Variants in LRRC4C observed in about 807,000 individuals in gnomAD.
LRRC4C encodes the protein leucine rich repeat containing 4C, also known as leucine-rich repeat-containing protein 4C.
Under a neutral mutation model 33.6 loss-of-function variants are expected in LRRC4C, and 5 were observed. The ratio of observed to expected loss-of-function variants is 0.15; its 90% CI spans 0.08 to 0.31. The LOEUF is 0.31. Among genes scored for constraint, LRRC4C ranks in the 10% least tolerant of loss-of-function variants. The probability of loss-of-function intolerance (pLI) is 1.00; values close to 1 mark genes in which losing one functional copy is unlikely to be tolerated. For missense variants in LRRC4C, 560 were observed against 796.7 expected, an observed-to-expected ratio of 0.70 and a Z score of 3.58; for synonymous variants, 329 against 302.0, an observed-to-expected ratio of 1.09 and a Z score of -0.93.
intron 2 of LRRC4C, among the ~76,000 whole-genome samples, chr11:40,932,026 A>G (rs1205481076): frequency 6.6e-6 from 1 of 152,156 alleles, no homozygotes; most frequent in Non-Finnish European, 1.5e-5. Context: ...CCTGACCTCA[A>G]GGGGCTGAGA....
chr11:41,141,763 T>G (rs567712217), intron 1 of LRRC4C, among the ~76,000 whole-genome samples: 1 of 152,258 alleles, frequency 6.6e-6, no homozygotes, highest in African/African-American at 2.4e-5. Flanking sequence ...CCTGAGGAAA[T>G]GTGAGTCAAT....
At chr11:41,279,428 A>ACCC (rs1555134481) in intron 1 of LRRC4C, among the ~76,000 whole-genome samples, 26 of 140,788 alleles carry the variant, frequency 1.8e-4, no homozygotes, top group Non-Finnish European at 6.1e-5. Flanking sequence ...ACACACACAC[A>ACCC]CCGTGGCAAT....
At chr11:40,227,936 C>T (rs1416795532) in intron 5 of LRRC4C, among the ~76,000 whole-genome samples, 1 of 152,108 alleles carries the variant, frequency 6.6e-6, no homozygotes, top group Admixed American at 6.6e-5. Context: ...TATGTTAACC[C>T]ACATAAACCA....
rs1326177402 is a variant in LRRC4C, at chr11:41,459,470, C to T, written c.-535G>A. 1 of 152,112 alleles carries T rather than the reference C, an allele frequency of 6.6e-6. No individual in the cohort carries two copies. Among genetic ancestry groups the T allele is most frequent in the African/African-American group, 2.4e-5 (1 of 41,422 alleles). 9.4% of individuals were successfully genotyped at this position (152,112 alleles called of 1,614,324 possible). On this transcript the variant is annotated 5_prime_UTR_variant, in exon 1 of 7. Transcript: ENST00000528697. Reference sequence around the variant, plus strand: ...CTCAAAGTTCACCAAGGAAAATTTACAATCCTCTAGCTTGCCGTGCACTAC... The same window carrying T: ...CTCAAAGTTCACCAAGGAAAATTTATAATCCTCTAGCTTGCCGTGCACTAC...
chr11:41,114,114 T>C (rs1468959888), intron 1 of LRRC4C, among the ~76,000 whole-genome samples: 11 of 152,082 alleles, frequency 7.2e-5, no homozygotes, highest in African/African-American at 2.7e-4. Context: ...TAGGACCTTA[T>C]ATTTGAGGAT....
At chr11:40,943,720 A>T (rs976859713) in intron 1 of LRRC4C, among the ~76,000 whole-genome samples, 5 of 152,180 alleles carry the variant, frequency 3.3e-5, no homozygotes, top group African/African-American at 9.7e-5. Flanking sequence ...CTGTCGGGAG[A>T]GTCTTTGAAG....
intron 1 of LRRC4C, among the ~76,000 whole-genome samples, chr11:41,172,876 A>T (rs1218821499): frequency 6.6e-6 from 1 of 152,144 alleles, no homozygotes; most frequent in African/African-American, 2.4e-5. Context: ...AAATTACAAG[A>T]TACAGAAATG....
At chr11:41,389,639 C>CAAAAAAAA (rs56194204) in intron 1 of LRRC4C, among the ~76,000 whole-genome samples, 8,520 of 80,888 alleles carry the variant, frequency 0.11, 680 homozygotes, top group Middle Eastern at 0.23. Flanking sequence ...CAGTGAGCAG[C>CAAAAAAAA]AAAAAAAAAA....
At chr11:40,693,905 A>G (rs1945352789) in intron 2 of LRRC4C, among the ~76,000 whole-genome samples, 1 of 152,114 alleles carries the variant, frequency 6.6e-6, no homozygotes, top group African/African-American at 2.4e-5. Context: ...ACACTCTGCT[A>G]TTACTTTTCT....
At chr11:40,189,413 C>T (rs926744027) in intron 5 of LRRC4C, among the ~76,000 whole-genome samples, 1 of 152,054 alleles carries the variant, frequency 6.6e-6, no homozygotes, top group Admixed American at 6.6e-5. Flanking sequence ...AAAATATAAC[C>T]TATTTGCTTT....
chr11:40,330,293 A>G (rs944919274), intron 3 of LRRC4C, among the ~76,000 whole-genome samples: 1 of 152,180 alleles, frequency 6.6e-6, no homozygotes, highest in African/African-American at 2.4e-5. Flanking sequence ...GAAAGTTAGC[A>G]TTAAAAATGT....
intron 1 of LRRC4C, among the ~76,000 whole-genome samples, chr11:41,359,981 G>T (rs1184290484): frequency 6.6e-6 from 1 of 152,172 alleles, no homozygotes; most frequent in East Asian, 1.9e-4. Context: ...TCAGGAGTTT[G>T]AGCCCGGCCT....
intron 2 of LRRC4C, among the ~76,000 whole-genome samples, chr11:40,832,353 C>A (rs1952456567): frequency 6.6e-6 from 1 of 152,064 alleles, no homozygotes; most frequent in Non-Finnish European, 1.5e-5. Context: ...GGTTAATCAT[C>A]TAGAATTGTT....
At chr11:41,009,554 AT>A (rs1783367806) in intron 1 of LRRC4C, among the ~76,000 whole-genome samples, 1 of 152,066 alleles carries the variant, frequency 6.6e-6, no homozygotes, top group South Asian at 2.1e-4. Context: ...TCATGTATAA[AT>A]TGACAAATTC....
intron 2 of LRRC4C, among the ~76,000 whole-genome samples, chr11:40,898,107 C>A (rs1956032391): frequency 6.6e-6 from 1 of 151,934 alleles, no homozygotes. Context: ...GTAATCCCAG[C>A]ACTTTAGGAG....
intron 3 of LRRC4C, among the ~76,000 whole-genome samples, chr11:40,613,590 A>T (rs1422747898): frequency 1.3e-5 from 2 of 151,746 alleles, no homozygotes; most frequent in Non-Finnish European, 2.9e-5. Flanking sequence ...AATTCCCGTT[A>T]ATGTTAATAT....
chr11:40,584,590 A>C (rs1448764661), intron 3 of LRRC4C, among the ~76,000 whole-genome samples: 1 of 152,154 alleles, frequency 6.6e-6, no homozygotes, highest in Non-Finnish European at 1.5e-5. Context: ...AAACTGGCAC[A>C]CAGTAAGAGA....
chr11:40,236,058 G>C (rs941168944), intron 5 of LRRC4C, among the ~76,000 whole-genome samples: 1 of 151,720 alleles, frequency 6.6e-6, no homozygotes, highest in Non-Finnish European at 1.5e-5. Context: ...TGCCAGTCAC[G>C]GCTCACAGTG....
At chr11:40,726,625 C>G (rs1267974603) in intron 2 of LRRC4C, among the ~76,000 whole-genome samples, 3 of 152,150 alleles carry the variant, frequency 2.0e-5, no homozygotes, top group East Asian at 1.9e-4. Flanking sequence ...TAAGAGGCAT[C>G]TTGGCCAAGC....
Sources: gnomAD v4.1 joint callset for allele counts (sites outside exome capture counted in the v4.1 genomes callset) on GRCh38, gnomAD v4.1.1 for gene constraint, MANE v1.5 for transcripts, NCBI Gene and HGNC (gene_info 2026-07-23, HGNC 2026-07-21) for gene names.